Variants in DOCK4 observed in about 807,000 individuals in gnomAD.
DOCK4 encodes the protein dedicator of cytokinesis 4, also known as dedicator of cytokinesis protein 4.
DOCK4 carries 97 observed loss-of-function variants against 268.1 expected under a neutral mutation model. The ratio of observed to expected loss-of-function variants is 0.36; its 90% CI spans 0.31 to 0.43. DOCK4 has a LOEUF of 0.43. DOCK4 is among the 20% of genes least tolerant of loss of function. The pLI, the probability that DOCK4 is intolerant of heterozygous loss-of-function variation, is 1.00. For missense variants in DOCK4, 2,145 were observed against 2,455.7 expected, an observed-to-expected ratio of 0.87 and a Z score of 2.67; for synonymous variants, 954 against 887.2, an observed-to-expected ratio of 1.08 and a Z score of -1.34.
At chr7:112,026,964 A>G (rs1356744813) in intron 1 of DOCK4, among the ~76,000 whole-genome samples, 2 of 152,216 alleles carry the variant, frequency 1.3e-5, no homozygotes, top group Non-Finnish European at 2.9e-5. Flanking sequence ...GTCGATCTTC[A>G]GCTGTAAACA....
chr7:111,908,150 T>C (rs1791751918), intron 13 of DOCK4, among the ~76,000 whole-genome samples: 1 of 152,098 alleles, frequency 6.6e-6, no homozygotes, highest in Non-Finnish European at 1.5e-5. Context: ...CAGTACATAG[T>C]AAGGAATATT....
At chr7:112,024,457 T>C (rs1335997734) in intron 1 of DOCK4, among the ~76,000 whole-genome samples, 1 of 152,272 alleles carries the variant, frequency 6.6e-6, no homozygotes, top group East Asian at 1.9e-4. Context: ...AAATGGCCAA[T>C]GCATTCCCGG....
At chr7:112,199,296 T>C (rs765741961) in intron 1 of DOCK4, among the ~76,000 whole-genome samples, 3 of 152,192 alleles carry the variant, frequency 2.0e-5, no homozygotes, top group Non-Finnish European at 2.9e-5. Flanking sequence ...GTGCTTGACA[T>C]GTAGCAAGTG....
chr7:111,901,667 A>G lies in DOCK4; in HGVS notation c.1317+10T>C. On this transcript the variant is annotated intron_variant, in intron 14 of 52. Coordinates refer to ENST00000428084, the MANE Select transcript of DOCK4 (RefSeq NM_001363540.2). ...CTTGTTTGACCTGGAAATATCAAGT[A>G]TTAACATACCTTCAGGGTTTGGCCA... 1.2e-6 allele frequency: 2 copies of G among 1,613,192 alleles called. No individual in the cohort carries two copies. The highest frequency in any genetic ancestry group is 4.5e-5 in the East Asian group (2 of 44,852).
At chr7:111,944,189 G>A (rs1052467074) in intron 10 of DOCK4, among the ~76,000 whole-genome samples, 2 of 152,208 alleles carry the variant, frequency 1.3e-5, no homozygotes, top group African/African-American at 4.8e-5. Flanking sequence ...TCTGCAAGAT[G>A]TTAATAAGTG....
chr7:112,066,996 A>AC (rs1563052858), intron 1 of DOCK4, among the ~76,000 whole-genome samples: 18 of 147,040 alleles, frequency 1.2e-4, no homozygotes, highest in Non-Finnish European at 1.9e-4. Flanking sequence ...ACACACACAC[A>AC]AAAAAACCAA....
rs1237781174 is a variant in DOCK4 at position 111,872,459 on chromosome 7, C to A, written c.1842+8G>T. 2.5e-6 allele frequency: 4 copies of A among 1,574,552 alleles called. No homozygotes were observed. Among genetic ancestry groups the A allele is most frequent in the Non-Finnish European group, 1.7e-6 (2 of 1,157,226 alleles). Reference sequence around the variant, plus strand: ...CTGCAAGGAAAATAGTAATGAAATACTATATACCTTTACTATCTCTGAGCC... The same window carrying A: ...CTGCAAGGAAAATAGTAATGAAATAATATATACCTTTACTATCTCTGAGCC... On this transcript the variant is annotated splice_region_variant and intron_variant, in intron 18 of 52. Coordinates refer to ENST00000428084, the MANE Select transcript of DOCK4 (RefSeq NM_001363540.2).
intron 36 of DOCK4, among the ~76,000 whole-genome samples, chr7:111,776,129 A>C (rs1358913501): frequency 6.6e-6 from 1 of 152,206 alleles, no homozygotes; most frequent in Admixed American, 6.5e-5. Flanking sequence ...TAATATTCAA[A>C]AGGTCTAGAA....
At chr7:111,762,425 T>A (rs1797467036) in intron 39 of DOCK4, among the ~76,000 whole-genome samples, 1 of 152,210 alleles carries the variant, frequency 6.6e-6, no homozygotes, top group South Asian at 2.1e-4. Flanking sequence ...TTCTATGGAT[T>A]TGCCTATTAT....
At chr7:111,832,868 G>A (rs373300962) in intron 26 of DOCK4, among the ~76,000 whole-genome samples, 2 of 152,310 alleles carry the variant, frequency 1.3e-5, no homozygotes, top group African/African-American at 4.8e-5. Flanking sequence ...TGGAAGAGGT[G>A]TATTGGCTGA....
chr7:111,804,278 A>G (rs754946390), intron 30 of DOCK4, among the ~76,000 whole-genome samples: 2 of 152,242 alleles, frequency 1.3e-5, no homozygotes, highest in East Asian at 1.9e-4. Context: ...AAATTTTGAT[A>G]CATTACAACA....
intron 1 of DOCK4, among the ~76,000 whole-genome samples, chr7:112,144,489 C>A (rs1815249818): frequency 1.3e-5 from 2 of 152,168 alleles, no homozygotes; most frequent in Admixed American, 6.5e-5. Context: ...CAAAAAATTG[C>A]CAGCCCACTT....
chr7:112,145,317 C>T lies in DOCK4; in HGVS notation c.37+60785G>A, dbSNP rs185165814. 3.0e-3 allele frequency among the ~76,000 whole-genome samples: 454 copies of T among 152,290 alleles called. 1 individual carries two copies. The highest frequency in any genetic ancestry group is 0.01 in the African/African-American group (428 of 41,564). ...AGCAAAGCTTTGTTGTAACTTGCCA[C>T]GTCTCAGTTCTCCAGACCCTAAAAT... On this transcript the variant is annotated intron_variant, in intron 1 of 52. Coordinates refer to ENST00000428084, the MANE Select transcript of DOCK4 (RefSeq NM_001363540.2).
In DOCK4 at chr7:111,839,371, T is replaced by C. The variant is rs56401352; in HGVS notation, c.2737-4685A>G. 8.5e-5 allele frequency among the ~76,000 whole-genome samples: 13 copies of C among 152,342 alleles called. No individual in the cohort carries two copies. In the East Asian group the frequency reaches 2.5e-3, roughly 29 times the overall value. On this transcript the variant is annotated intron_variant, in intron 25 of 52. Transcript: ENST00000428084. The stretch of plus-strand genomic sequence containing the variant: ...CCATATCATATTCACATTGTCTCCA[T>C]TACAGCTACTAGATTAATTTTCCTA...
At chr7:111,944,321 C>G (rs1157909498) in intron 10 of DOCK4, among the ~76,000 whole-genome samples, 2 of 152,006 alleles carry the variant, frequency 1.3e-5, no homozygotes, top group African/African-American at 4.8e-5. Flanking sequence ...AAGCTGATGA[C>G]ATTATATAAG....
chr7:111,756,087 G>C (rs892705558), intron 41 of DOCK4, among the ~76,000 whole-genome samples: 4 of 152,088 alleles, frequency 2.6e-5, no homozygotes, highest in African/African-American at 7.2e-5. Context: ...GGTGGCTCAC[G>C]CCTGTAATCC....
chr7:111,838,459 A>C (rs1325448060), intron 25 of DOCK4, among the ~76,000 whole-genome samples: 1 of 152,192 alleles, frequency 6.6e-6, no homozygotes, highest in Non-Finnish European at 1.5e-5. Flanking sequence ...CATACAATGG[A>C]ATACTATTCA....
intron 1 of DOCK4, among the ~76,000 whole-genome samples, chr7:112,189,708 A>G (rs1309178285): frequency 6.7e-6 from 1 of 149,198 alleles, no homozygotes; most frequent in East Asian, 2.0e-4. Context: ...ATGACATAGC[A>G]GCCTAGCCTT....
At chr7:111,783,682 A>G (rs1158559606) in intron 34 of DOCK4, among the ~76,000 whole-genome samples, 175 bp downstream of exon 34, 1 of 152,152 alleles carries the variant, frequency 6.6e-6, no homozygotes, top group East Asian at 1.9e-4. Flanking sequence ...CAAAAGCTCA[A>G]ATTAACAGCT....
Sources: allele counts gnomAD v4.1 joint callset (sites outside exome capture counted in the v4.1 genomes callset), GRCh38; gene constraint gnomAD v4.1.1; transcripts MANE v1.5; gene names NCBI Gene and HGNC (gene_info 2026-07-23, HGNC 2026-07-21).